Variants in NIF3L1 observed in about 807,000 individuals in gnomAD.
NIF3L1 encodes NGG1 interacting factor 3 like 1, also known as NIF3-like protein 1.
NIF3L1 carries 26 observed loss-of-function variants against 35.0 expected under a neutral mutation model. That is an observed-to-expected ratio of 0.74 (90% CI 0.54 to 1.03). NIF3L1 has a LOEUF of 1.03. Ranked by LOEUF, NIF3L1 falls within the 50% of genes least tolerant of loss-of-function variation. The pLI is 0.00. For missense variants in NIF3L1, 449 were observed against 466.3 expected, an observed-to-expected ratio of 0.96 and a Z score of 0.34; for synonymous variants, 157 against 178.9, an observed-to-expected ratio of 0.88 and a Z score of 0.98.
chr2:200,893,334 C>A lies in NIF3L1; in HGVS notation c.525C>A (p.Tyr175Ter), dbSNP rs752697169. ...GNHRVEFNVNYTQDLDKVMSA... is the reference protein window; with the variant it reads ...GNHRVEFNVN ...ACCGAGTAGAATTCAACGTTAACTA[C>A]ACCCAAGACCTGGACAAAGTCATGT... The change falls in exon 3 of 7, where the codon TAC becomes TAA. Residue 175 changes from tyrosine to a stop codon, truncating the protein, a stop_gained. Coordinates refer to ENST00000409020, the MANE Select transcript of NIF3L1 (RefSeq NM_001369441.2). LOFTEE classifies it high-confidence loss of function. The A allele has an allele frequency of 1.3e-5, 21 of 1,613,008 alleles. No homozygotes were observed. The highest frequency in any genetic ancestry group is 1.8e-5 in the Non-Finnish European group (21 of 1,179,468).
chr2:200,899,150 A>G (rs532336943), intron 5 of NIF3L1: 4 of 382,348 alleles, frequency 1.0e-5, no homozygotes, highest in South Asian at 1.4e-4. Flanking sequence ...TTGAAAAAAA[A>G]AAACACAACA....
intron 6 of NIF3L1, among the ~76,000 whole-genome samples, chr2:200,901,833 T>C (rs936818879): frequency 1.3e-5 from 2 of 152,200 alleles, no homozygotes; most frequent in African/African-American, 4.8e-5. Flanking sequence ...TTTCCCCCCT[T>C]TCATGCCTTC....
At position 200,903,485 on chromosome 2, in the gene NIF3L1, T is replaced by C; in HGVS notation, c.950-9T>C. On this transcript the variant is annotated splice_polypyrimidine_tract_variant and intron_variant, in intron 6 of 6. Transcript: ENST00000409020. Reference sequence around the variant, plus strand: ...AGCATTTAAGAATTTGCTCTTCCCTTTTTGGTAGGTGAGATGTCCCATCAT... The same window carrying C: ...AGCATTTAAGAATTTGCTCTTCCCTCTTTGGTAGGTGAGATGTCCCATCAT... The C allele has an allele frequency of 6.2e-7, 1 of 1,608,232 alleles. No individual in the cohort carries two copies. The highest frequency in any genetic ancestry group is 8.5e-7 in the Non-Finnish European group (1 of 1,175,036).
intron 6 of NIF3L1, 92 bp downstream of exon 6, chr2:200,899,560 A>T: frequency 1.3e-6 from 1 of 791,272 alleles, no homozygotes; most frequent in East Asian, 2.5e-5. Flanking sequence ...GATGATACCT[A>T]ATTAATGTTT....
intron 6 of NIF3L1, among the ~76,000 whole-genome samples, chr2:200,900,753 T>C (rs2040398740): frequency 6.6e-6 from 1 of 152,238 alleles, no homozygotes; most frequent in South Asian, 2.1e-4. Flanking sequence ...AATATGAATA[T>C]CTTACAGTAT....
chr2:200,896,289 T>A (rs981150722), intron 4 of NIF3L1, among the ~76,000 whole-genome samples: 2 of 152,150 alleles, frequency 1.3e-5, no homozygotes, highest in Non-Finnish European at 2.9e-5. Flanking sequence ...AGCCATACTG[T>A]CTTCTTTTGG....
intron 3 of NIF3L1, among the ~76,000 whole-genome samples, chr2:200,894,173 CAAAAAAAAA>C (rs548333663): frequency 1.1e-4 from 7 of 66,508 alleles, no homozygotes; most frequent in Non-Finnish European, 1.6e-4. Context: ...GACTCTGTCT[CAAAAAAAAA>C]AAAAAAAAAT....
In NIF3L1 at chr2:200,894,586, T is replaced by C. The variant is rs547494126; in HGVS notation, c.600-678T>C. ...CGCCCGGCTAATTTTTTTTGTATTTTTGGTGGAGATGGGGTTTCATCATGT... is the reference window on the plus strand; with the variant it reads ...CGCCCGGCTAATTTTTTTTGTATTTCTGGTGGAGATGGGGTTTCATCATGT... On this transcript the variant is annotated intron_variant, in intron 3 of 6. Transcript: ENST00000409020. Among the ~76,000 whole-genome samples the C allele has an allele frequency of 1.9e-4, 29 of 151,894 alleles. No individual in the cohort carries two copies. The East Asian group carries it at 5.6e-3, about 29-fold the overall frequency.
chr2:200,893,862 G>T (rs2040249754), intron 3 of NIF3L1, among the ~76,000 whole-genome samples: 1 of 151,980 alleles, frequency 6.6e-6, no homozygotes, highest in South Asian at 2.1e-4. Flanking sequence ...TTTCTGAATA[G>T]TCTTTTTTTG....
chr2:200,903,654 CAG>C lies in NIF3L1; in HGVS notation c.1111_1112del (p.Arg371GlyfsTer14), dbSNP rs774532936. 2.5e-5 allele frequency: 40 copies of C among 1,612,930 alleles called. No homozygotes were observed. Among genetic ancestry groups the C allele is most frequent in the Non-Finnish European group, 3.2e-5 (38 of 1,178,980 alleles). On this transcript the variant is annotated frameshift_variant, in exon 7 of 7. Coordinates refer to ENST00000409020, the MANE Select transcript of NIF3L1 (RefSeq NM_001369441.2). LOFTEE classifies it high-confidence loss of function. The stretch of plus-strand genomic sequence containing the variant: ...TAAATATTATCCTATCAGAGACTGA[CAG>C]GGACCCTCTTCAGGTGGTATAATTG... The part of the protein sequence containing the change: ...KINIILSETD[R>X]DPLQVV
At chr2:200,891,695 G>A in intron 1 of NIF3L1, 2 of 530,816 alleles carry the variant, frequency 3.8e-6, no homozygotes. Flanking sequence ...TAGCTCCTCT[G>A]GATGGCCTGT....
rs773279523 is a variant in NIF3L1 at position 200,897,147 on chromosome 2, T to G, written c.798T>G (p.Ile266Met). The G allele has an allele frequency of 6.2e-7, 1 of 1,614,086 alleles. No homozygotes were observed. Among genetic ancestry groups the G allele is most frequent in the Non-Finnish European group, 8.5e-7 (1 of 1,179,988 alleles). ...AATCTGTCTCCCTGGCAACCATGAT[T>G]GATCGAATAAAAAGACACCTAAAAC... ...LDESVSLATM[I>M]DRIKRHLKLS... is the part of the protein sequence containing the mutation. Residue 266 changes from isoleucine to methionine, a missense_variant, in exon 5 of 7, where the codon ATT becomes ATG. Physicochemically the swap from Ile to Met is conservative, Grantham distance 10 (BLOSUM62 1). Transcript: ENST00000409020.
intron 4 of NIF3L1, among the ~76,000 whole-genome samples, 188 bp from the exon 5 acceptor site, chr2:200,896,888 T>G (rs1401284267): frequency 6.6e-6 from 1 of 152,216 alleles, no homozygotes; most frequent in Admixed American, 6.5e-5. Flanking sequence ...CTGGCCTGAT[T>G]ATTGATTTAA....
intron 4 of NIF3L1, 86 bp downstream of exon 4, chr2:200,895,476 G>T: frequency 7.8e-7 from 1 of 1,287,262 alleles, no homozygotes. Context: ...ATATACTTAG[G>T]TATATTGAGG....
chr2:200,903,502 TC>T lies in NIF3L1; in HGVS notation c.961del (p.His321IlefsTer12). On this transcript the variant is annotated frameshift_variant, in exon 7 of 7. Transcript: ENST00000409020. LOFTEE classifies it high-confidence loss of function. Reference protein sequence around the residue: ...EADLYLTGEMSHHDTLDAASQ... With the variant: ...EADLYLTGEMXHHDTLDAASQ... ...TCTTCCCTTTTTGGTAGGTGAGATG[TC>T]CCATCATGATACTTTGGATGCTGCT... is the stretch of plus-strand genomic sequence containing the variant. 6.2e-7 allele frequency: 1 copy of T among 1,612,258 alleles called. No individual in the cohort carries two copies. Among genetic ancestry groups the T allele is most frequent in the Non-Finnish European group, 8.5e-7 (1 of 1,178,320 alleles).
intron 2 of NIF3L1, among the ~76,000 whole-genome samples, chr2:200,892,898 C>T (rs868609185): frequency 7.2e-5 from 11 of 152,258 alleles, no homozygotes; most frequent in South Asian, 6.2e-4. Context: ...AAAGTATGAG[C>T]ATTTGCAACC....
chr2:200,898,767 A>G (rs1412981183), intron 5 of NIF3L1, among the ~76,000 whole-genome samples: 1 of 152,182 alleles, frequency 6.6e-6, no homozygotes, highest in East Asian at 1.9e-4. Context: ...TTTCCAGAGG[A>G]TGCTTTTTGA....
chr2:200,898,053 T>G (rs928681830), intron 5 of NIF3L1, among the ~76,000 whole-genome samples: 2 of 152,228 alleles, frequency 1.3e-5, no homozygotes, highest in African/African-American at 4.8e-5. Context: ...GGTAGTATAA[T>G]CCATGTGACA....
chr2:200,897,197 G>C lies in NIF3L1; in HGVS notation c.848G>C (p.Gly283Ala). 8.7e-6 allele frequency: 14 copies of C among 1,613,778 alleles called. No homozygotes were observed. The highest frequency in any genetic ancestry group is 1.2e-5 in the Non-Finnish European group (14 of 1,179,946). ...CTATCTCATATTCGCTTAGCCCTTG[G>C]GGTGGGGAGAACCTTAGGTAAATAT... is the stretch of plus-strand genomic sequence containing the variant. ...LKLSHIRLALGVGRTLESQVK... is the reference protein window; with the variant it reads ...LKLSHIRLALAVGRTLESQVK... Residue 283 changes from glycine to alanine, a missense_variant, in exon 5 of 7, where the codon GGG becomes GCG. Physicochemically the swap from Gly to Ala is moderately conservative, Grantham distance 60 (BLOSUM62 0). Coordinates refer to ENST00000409020, the MANE Select transcript of NIF3L1 (RefSeq NM_001369441.2).
Sources: allele counts gnomAD v4.1 joint callset (sites outside exome capture counted in the v4.1 genomes callset), GRCh38; gene constraint gnomAD v4.1.1; transcripts MANE v1.5; gene names NCBI Gene and HGNC (gene_info 2026-07-23, HGNC 2026-07-21).